Variants in RASGRP3 observed in about 807,000 individuals in gnomAD.
RASGRP3 encodes the protein ras guanyl-releasing protein 3.
Under a neutral mutation model 82.7 loss-of-function variants are expected in RASGRP3, and 54 were observed. The ratio of observed to expected loss-of-function variants is 0.65; its 90% CI spans 0.52 to 0.82. The LOEUF is 0.82. RASGRP3 is among the 40% of genes least tolerant of loss of function. The pLI, the probability that RASGRP3 is intolerant of heterozygous loss-of-function variation, is 0.00. For synonymous variants in RASGRP3, 309 were observed against 300.5 expected (o/e 1.03, Z -0.29); for missense variants, 861 against 828.9 (o/e 1.04, Z -0.48).
At chr2:33,540,559 TG>T (rs58341386) in intron 12 of RASGRP3, among the ~76,000 whole-genome samples, 58 of 5,618 alleles carry the variant, frequency 0.01, 1 homozygote, top group South Asian at 0.023. Context: ...GTGTGTTTTG[TG>T]TGTGTGTGTG....
chr2:33,486,420 G>A (rs551445943), intron 1 of RASGRP3, among the ~76,000 whole-genome samples: 54 of 152,032 alleles, frequency 3.6e-4, no homozygotes, highest in African/African-American at 1.0e-3. Context: ...TGCCCACCTC[G>A]GCCTCCCAAA....
In RASGRP3 at chr2:33,530,497, C is replaced by CTT. The variant is rs746592952; in HGVS notation, c.1083+3108_1083+3109dup. Among the ~76,000 whole-genome samples the CTT allele has an allele frequency of 7.3e-4, 85 of 117,068 alleles. 1 individual carries two copies. Among genetic ancestry groups the CTT allele is most frequent in the African/African-American group, 1.5e-3 (43 of 28,832 alleles). The allele number at this position is 117,068 out of a possible 152,430, so 76.8% of individuals were successfully genotyped here. ...AGTGTAACATCACCCCTGCCCCTTC[C>CTT]TTTTTTTTTTTTTTTTTTTTTTTTA... is the stretch of plus-strand genomic sequence containing the variant. On this transcript the variant is annotated intron_variant, in intron 10 of 17. Transcript: ENST00000403687.
At position 33,549,586 on chromosome 2, in the gene RASGRP3, CTTT is replaced by C. The variant is rs751970157; in HGVS notation, c.1395-17_1395-15del. 1.2e-6 allele frequency: 2 copies of C among 1,603,318 alleles called. No homozygotes were observed. Among genetic ancestry groups the C allele is most frequent in the African/African-American group, 2.7e-5 (2 of 74,686 alleles). ...CTGTTATTTAAAGATTCCCTCCCTTCTTTGATTCTCTTAACAGGGATGGCCTAA... is the reference window on the plus strand; with the variant it reads ...CTGTTATTTAAAGATTCCCTCCCTTCGATTCTCTTAACAGGGATGGCCTAA... On this transcript the variant is annotated splice_polypyrimidine_tract_variant and intron_variant, in intron 13 of 17. Coordinates refer to ENST00000403687, the MANE Select transcript of RASGRP3 (RefSeq NM_001139488.2).
intron 1 of RASGRP3, among the ~76,000 whole-genome samples, chr2:33,443,945 T>A (rs1282406757): frequency 6.6e-6 from 1 of 152,034 alleles, no homozygotes; most frequent in Non-Finnish European, 1.5e-5. Context: ...CATAGTTCAT[T>A]TTACATTTCC....
chr2:33,524,368 G>A (rs765187749), intron 8 of RASGRP3, 64 bp from the exon 9 acceptor site: 1 of 1,092,258 alleles, frequency 9.2e-7, no homozygotes, highest in African/African-American at 1.6e-5. Flanking sequence ...AAATTTACTT[G>A]TAATTCAGAA....
At chr2:33,508,075 T>C (rs1175718594) in intron 1 of RASGRP3, among the ~76,000 whole-genome samples, 1 of 152,176 alleles carries the variant, frequency 6.6e-6, no homozygotes, top group African/African-American at 2.4e-5. Flanking sequence ...GAATCAAGGA[T>C]AATTCCCAGA....
intron 15 of RASGRP3, among the ~76,000 whole-genome samples, chr2:33,556,138 C>T (rs562210719): frequency 4.4e-4 from 66 of 151,680 alleles, no homozygotes; most frequent in African/African-American, 1.5e-3. Flanking sequence ...GAATGTGTTG[C>T]TACTTGTACA....
At chr2:33,495,072 C>T (rs915598719) in intron 1 of RASGRP3, among the ~76,000 whole-genome samples, 6 of 152,312 alleles carry the variant, frequency 3.9e-5, no homozygotes, top group African/African-American at 9.6e-5. Context: ...CTTGTCCACT[C>T]CACAAACAGT....
intron 1 of RASGRP3, among the ~76,000 whole-genome samples, chr2:33,443,445 A>T (rs779786836): frequency 6.6e-6 from 1 of 152,076 alleles, no homozygotes; most frequent in Non-Finnish European, 1.5e-5. Context: ...AATTCTTTGG[A>T]TGGGGAAACT....
chr2:33,563,136 G>A lies in RASGRP3; in HGVS notation c.*399G>A. 1 of 194,732 alleles carries A rather than the reference G, an allele frequency of 5.1e-6. No individual in the cohort carries two copies. The highest frequency in any genetic ancestry group is 1.2e-4 in the East Asian group (1 of 8,034). 12.1% of individuals were successfully genotyped at this position (194,732 alleles called of 1,614,324 possible). Reference sequence around the variant, plus strand: ...TTTCAATATTTTTATAAACTTTTGTGTGTGCTGTGGCAGGGAACAGTTAAC... The same window carrying A: ...TTTCAATATTTTTATAAACTTTTGTATGTGCTGTGGCAGGGAACAGTTAAC... On this transcript the variant is annotated 3_prime_UTR_variant, in exon 18 of 18. Coordinates refer to ENST00000403687, the MANE Select transcript of RASGRP3 (RefSeq NM_001139488.2).
At chr2:33,464,272 C>T (rs1666555065) in intron 2 of RASGRP3, among the ~76,000 whole-genome samples, 1 of 150,678 alleles carries the variant, frequency 6.6e-6, no homozygotes, top group African/African-American at 2.4e-5. Flanking sequence ...GGACATGCCA[C>T]CACACCTGGC....
intron 1 of RASGRP3, among the ~76,000 whole-genome samples, chr2:33,499,411 T>G (rs1438007431): frequency 6.6e-6 from 1 of 151,864 alleles, no homozygotes; most frequent in Non-Finnish European, 1.5e-5. Flanking sequence ...ATACAAAAAT[T>G]AGCTGGGTGT....
At position 33,523,924 on chromosome 2, in the gene RASGRP3, A is replaced by G. The variant is rs1672277050; in HGVS notation, c.562A>G (p.Asn188Asp). The G allele has an allele frequency of 6.2e-7, 1 of 1,613,712 alleles. No individual in the cohort carries two copies. The highest frequency in any genetic ancestry group is 8.5e-7 in the Non-Finnish European group (1 of 1,179,794). Residue 188 changes from asparagine to aspartate, a missense_variant, in exon 8 of 18, where the codon AAT (asparagine) becomes GAT (aspartate). Transcript: ENST00000403687. Reference protein sequence around the residue: ...SYVIHGCLENNPTLERSIALF... With the variant: ...SYVIHGCLENDPTLERSIALF... ...TGTCATCCATGGCTGCCTGGAGAAT[A>G]ATCCAACCTTGGAAAGATCGATTGC...
intron 1 of RASGRP3, among the ~76,000 whole-genome samples, chr2:33,499,293 C>T (rs1456335776): frequency 1.3e-5 from 2 of 152,146 alleles, no homozygotes; most frequent in Admixed American, 6.6e-5. Context: ...TGGCCAGGTG[C>T]GGTGGCTTAA....
At chr2:33,518,365 T>C (rs1327711193) in intron 4 of RASGRP3, among the ~76,000 whole-genome samples, 2 of 152,182 alleles carry the variant, frequency 1.3e-5, no homozygotes, top group African/African-American at 2.4e-5. Flanking sequence ...TAAAAAGTGG[T>C]ACACCTGTAT....
chr2:33,462,050 A>T (rs1666398041), intron 2 of RASGRP3, among the ~76,000 whole-genome samples: 1 of 152,250 alleles, frequency 6.6e-6, no homozygotes, highest in African/African-American at 2.4e-5. Context: ...GATTAACTGG[A>T]ACATTGACAT....
chr2:33,534,051 C>A (rs938535676), intron 10 of RASGRP3: 3 of 382,000 alleles, frequency 7.9e-6, no homozygotes, highest in African/African-American at 2.0e-5. Context: ...ATCCCTCATC[C>A]GTGACTCAGC....
chr2:33,558,388 CA>C (rs1676255983), intron 16 of RASGRP3, 52 bp downstream of exon 16: 4 of 1,610,486 alleles, frequency 2.5e-6, no homozygotes, highest in Non-Finnish European at 3.4e-6. Context: ...CTTGCCTCCT[CA>C]CACTTGGACC....
At chr2:33,503,111 C>A (rs1475383155) in intron 1 of RASGRP3, among the ~76,000 whole-genome samples, 1 of 152,178 alleles carries the variant, frequency 6.6e-6, no homozygotes, top group Non-Finnish European at 1.5e-5. Flanking sequence ...AATATATATT[C>A]TAAATTTCAA....
Sources: gnomAD v4.1 joint callset for allele counts (sites outside exome capture counted in the v4.1 genomes callset) on GRCh38, gnomAD v4.1.1 for gene constraint, MANE v1.5 for transcripts, NCBI Gene and HGNC (gene_info 2026-07-23, HGNC 2026-07-21) for gene names.